Variants in TRPC7 observed in about 807,000 individuals in gnomAD.
TRPC7 encodes transient receptor potential cation channel subfamily C member 7.
TRPC7 carries 42 observed loss-of-function variants against 90.1 expected under a neutral mutation model. That is an observed-to-expected ratio of 0.47 (90% confidence interval 0.36 to 0.60). TRPC7 has a LOEUF of 0.60. Among genes scored for constraint, TRPC7 ranks in the 20% least tolerant of loss-of-function variants. TRPC7 has a pLI of 0.00. For missense variants in TRPC7, 955 were observed against 1,112.3 expected (o/e 0.86, Z 2.01); for synonymous variants, 451 against 436.3 (o/e 1.03, Z -0.42).
intron 2 of TRPC7, among the ~76,000 whole-genome samples, chr5:136,350,407 A>G (rs2649691): frequency 1.3e-5 from 2 of 152,062 alleles, no homozygotes; most frequent in Non-Finnish European, 2.9e-5. Flanking sequence ...CACCCAGAGC[A>G]TACAGTCTCC....
chr5:136,312,471 C>T (rs985387432), intron 3 of TRPC7, among the ~76,000 whole-genome samples: 1 of 152,008 alleles, frequency 6.6e-6, no homozygotes, highest in African/African-American at 2.4e-5. Context: ...CATATCAGTT[C>T]ATTTGGAAGT....
chr5:136,315,957 A>G, intron 2 of TRPC7, 178 bp from the exon 3 acceptor site: 2 of 621,106 alleles, frequency 3.2e-6, no homozygotes, highest in Admixed American at 5.9e-5. Flanking sequence ...ATTTCTCTTG[A>G]CACGTGACCT....
At chr5:136,295,623 C>T (rs1392052522) in intron 3 of TRPC7, among the ~76,000 whole-genome samples, 1 of 152,160 alleles carries the variant, frequency 6.6e-6, no homozygotes, top group Non-Finnish European at 1.5e-5. Flanking sequence ...AACACCACGT[C>T]CTCTAGGCTT....
intron 4 of TRPC7, among the ~76,000 whole-genome samples, chr5:136,268,744 T>A (rs1329443960): frequency 6.6e-6 from 1 of 152,250 alleles, no homozygotes; most frequent in Non-Finnish European, 1.5e-5. Flanking sequence ...TTTGGTGATT[T>A]GATGGAAAGT....
intron 10 of TRPC7, among the ~76,000 whole-genome samples, chr5:136,220,974 C>G (rs889404334): frequency 6.6e-6 from 1 of 151,668 alleles, no homozygotes; most frequent in African/African-American, 2.4e-5. Flanking sequence ...GCTGGTTCCC[C>G]TGATAGGATA....
chr5:136,231,230 T>C, intron 8 of TRPC7, 124 bp downstream of exon 8: 1 of 877,268 alleles, frequency 1.1e-6, no homozygotes, highest in African/African-American at 1.7e-5. Flanking sequence ...AGAATGCCTG[T>C]TCTTTGCTGT....
chr5:136,321,812 T>C (rs752989062), intron 2 of TRPC7, among the ~76,000 whole-genome samples: 14 of 152,304 alleles, frequency 9.2e-5, no homozygotes, highest in South Asian at 4.1e-4. Context: ...ATATAAGCTT[T>C]TGAGACTGGG....
chr5:136,291,262 T>C (rs1236327585), intron 3 of TRPC7, among the ~76,000 whole-genome samples: 2 of 152,178 alleles, frequency 1.3e-5, no homozygotes, highest in Admixed American at 6.5e-5. Flanking sequence ...GCTAACATCA[T>C]AATGAAAGGA....
intron 5 of TRPC7, among the ~76,000 whole-genome samples, chr5:136,257,551 T>A (rs539318290): frequency 1.3e-5 from 2 of 152,238 alleles, no homozygotes; most frequent in Admixed American, 6.5e-5. Flanking sequence ...CTTTATTTAA[T>A]GAAGATCTGC....
Position 136,226,055 on chromosome 5 carries a change from G to GC in TRPC7, c.2240dup (p.Met748HisfsTer19). On this transcript the variant is annotated frameshift_variant, in exon 9 of 12. Transcript: ENST00000513104. LOFTEE classifies it high-confidence loss of function. The stretch of plus-strand genomic sequence containing the variant: ...CTACCTTGAATTTGGAATTCAGCAT[G>GC]CCCATTTCAAGGTCATTTTCACAGC... 1 of 1,599,644 alleles carries GC rather than the reference G, an allele frequency of 6.3e-7. No individual in the cohort carries two copies. The highest frequency in any genetic ancestry group is 8.5e-7 in the Non-Finnish European group (1 of 1,172,380).
At chr5:136,353,841 T>G (rs1760276382) in intron 2 of TRPC7, among the ~76,000 whole-genome samples, 1 of 152,220 alleles carries the variant, frequency 6.6e-6, no homozygotes, top group African/African-American at 2.4e-5. Flanking sequence ...TTCTTAATTG[T>G]CCACAATTTT....
intron 5 of TRPC7, among the ~76,000 whole-genome samples, chr5:136,264,096 C>A (rs1756948496): frequency 6.6e-6 from 1 of 152,226 alleles, no homozygotes; most frequent in South Asian, 2.1e-4. Flanking sequence ...TCTGATTTAA[C>A]AGTCTTGAAT....
chr5:136,259,089 A>G (rs1756774042), intron 5 of TRPC7, among the ~76,000 whole-genome samples: 1 of 152,330 alleles, frequency 6.6e-6, no homozygotes, highest in South Asian at 2.1e-4. Context: ...CTTCTTTTCT[A>G]ATATAGTAGC....
rs751702897 is a variant in TRPC7 at position 136,226,102 on chromosome 5, G to A, written c.2194C>T (p.Leu732Phe). 27 of 1,603,432 alleles carry A rather than the reference G, an allele frequency of 1.7e-5. No individual in the cohort carries two copies. The highest frequency in any genetic ancestry group is 2.2e-5 in the Non-Finnish European group (26 of 1,174,404). The change falls in exon 9 of 12, where the codon CTC becomes TTC. Residue 732 changes from leucine to phenylalanine, a missense_variant. Physicochemically the swap from Leu to Phe is conservative, Grantham distance 22. This residue lies in a region of TRPC7 where 296 missense variants were observed against 422.7 expected (regional missense o/e 0.70). Coordinates refer to ENST00000513104, the MANE Select transcript of TRPC7 (RefSeq NM_020389.3). Reference protein sequence around the residue: ...IMRIKMCLIKLCKSKAKSCEN... With the variant: ...IMRIKMCLIKFCKSKAKSCEN... The stretch of plus-strand genomic sequence containing the variant: ...CAGCTTTTGGCCTTAGATTTGCAGA[G>A]TTTTATGAGGCACATCTTGATTCTC...
chr5:136,239,166 T>C (rs948490478), intron 7 of TRPC7, among the ~76,000 whole-genome samples: 2 of 152,146 alleles, frequency 1.3e-5, no homozygotes, highest in African/African-American at 4.8e-5. Flanking sequence ...AATTAATTAA[T>C]TTTTGAGATG....
chr5:136,307,646 T>A (rs1758684501), intron 3 of TRPC7, among the ~76,000 whole-genome samples: 1 of 152,208 alleles, frequency 6.6e-6, no homozygotes, highest in African/African-American at 2.4e-5. Context: ...TTAGAGACAG[T>A]GTCTGGAGAC....
chr5:136,335,773 G>A (rs893828183), intron 2 of TRPC7, among the ~76,000 whole-genome samples: 3 of 151,398 alleles, frequency 2.0e-5, no homozygotes, highest in Non-Finnish European at 2.9e-5. Context: ...GCGTGGTGGC[G>A]GGCGCCTGTA....
intron 10 of TRPC7, among the ~76,000 whole-genome samples, chr5:136,221,217 CA>C (rs944991372): frequency 6.6e-6 from 1 of 152,056 alleles, no homozygotes; most frequent in African/African-American, 2.4e-5. Flanking sequence ...AAGCTTTCTC[CA>C]AGTTACTATG....
chr5:136,243,530 G>A (rs997717357), intron 7 of TRPC7, among the ~76,000 whole-genome samples: 1 of 152,086 alleles, frequency 6.6e-6, no homozygotes, highest in Admixed American at 6.5e-5. Flanking sequence ...TTATGAGCTG[G>A]GCAGGGCAGC....
Sources: allele counts gnomAD v4.1 joint callset (sites outside exome capture counted in the v4.1 genomes callset), GRCh38; gene constraint gnomAD v4.1.1; regional missense constraint gnomAD v4.1.1; transcripts MANE v1.5; gene names NCBI Gene and HGNC (gene_info 2026-07-23, HGNC 2026-07-21).